The following LINGO2 variants were observed in gnomAD, a reference collection of about 807,000 sequenced individuals.
LINGO2 encodes the protein leucine-rich repeat and immunoglobulin-like domain-containing nogo receptor-interacting protein 2.
Under a neutral mutation model 30.6 loss-of-function variants are expected in LINGO2, and 14 were observed. The observed-to-expected ratio is 0.46, with a 90% confidence interval of 0.30 to 0.72. The LOEUF (loss-of-function observed/expected upper bound fraction) is 0.72, where lower values mean the gene tolerates loss of function less well. Ranked by LOEUF, LINGO2 falls within the 30% of genes least tolerant of loss-of-function variation. The probability of loss-of-function intolerance (pLI) is 0.07; values close to 1 mark genes in which losing one functional copy is unlikely to be tolerated. For synonymous variants in LINGO2, 317 were observed against 288.5 expected (o/e 1.10, Z -1.00); for missense variants, 729 against 751.7 (o/e 0.97, Z 0.35).
intron 5 of LINGO2, among the ~76,000 whole-genome samples, chr9:27,989,335 A>G (rs372728316): frequency 6.6e-6 from 1 of 151,948 alleles, no homozygotes; most frequent in South Asian, 2.1e-4. Flanking sequence ...TCCCAACAAA[A>G]TATAAGATAC....
chr9:29,197,376 G>A, the LINGO2 span, among the ~76,000 whole-genome samples: 2 of 152,014 alleles, frequency 1.3e-5, no homozygotes, highest in Non-Finnish European at 2.9e-5. Context: ...TGGTTCAAAA[G>A]TATTCTGTAT....
chr9:28,405,636 A>G (rs1273480418), intron 2 of LINGO2, among the ~76,000 whole-genome samples: 1 of 152,190 alleles, frequency 6.6e-6, no homozygotes, highest in Non-Finnish European at 1.5e-5. Context: ...GGAGGAGAGT[A>G]AAATAGAATT....
intron 4 of LINGO2, among the ~76,000 whole-genome samples, chr9:28,179,523 A>AC (rs1554682990): frequency 5.1e-5 from 4 of 77,768 alleles, no homozygotes; most frequent in African/African-American, 5.0e-5. Flanking sequence ...TAGTTTATAT[A>AC]TATAAACTAT....
chr9:28,449,698 G>T (rs1587691063), intron 2 of LINGO2, among the ~76,000 whole-genome samples: 1 of 151,980 alleles, frequency 6.6e-6, no homozygotes, highest in East Asian at 1.9e-4. Flanking sequence ...ATAAAAGGCA[G>T]ACTTGGAATG....
At chr9:27,956,862 G>A (rs1170002165) in intron 5 of LINGO2, among the ~76,000 whole-genome samples, 1 of 152,132 alleles carries the variant, frequency 6.6e-6, no homozygotes, top group Non-Finnish European at 1.5e-5. Context: ...GAAGGTTGAG[G>A]TGGGAGGATT....
the LINGO2 span, among the ~76,000 whole-genome samples, chr9:28,988,464 C>A: frequency 6.6e-6 from 1 of 151,946 alleles, no homozygotes; most frequent in Non-Finnish European, 1.5e-5. Context: ...ATAGTGGAGT[C>A]TTTAAAAAAA....
chr9:27,946,125 G>A (rs556678525), downstream of LINGO2, among the ~76,000 whole-genome samples: 43 of 152,152 alleles, frequency 2.8e-4, no homozygotes, highest in African/African-American at 8.9e-4. Context: ...GTTATAGCAC[G>A]AAAAGAAGTG....
At chr9:28,853,541 T>A in the LINGO2 span, among the ~76,000 whole-genome samples, 7 of 151,948 alleles carry the variant, frequency 4.6e-5, no homozygotes, top group Admixed American at 4.6e-4. Flanking sequence ...AGTAGTTCAT[T>A]CTCACATTGG....
At chr9:28,005,614 A>C (rs898858055) in intron 5 of LINGO2, among the ~76,000 whole-genome samples, 6 of 152,230 alleles carry the variant, frequency 3.9e-5, no homozygotes, top group African/African-American at 1.4e-4. Flanking sequence ...GGCTGGTCCC[A>C]AAGTCTTGTG....
In LINGO2 at chr9:28,117,163, CT is replaced by C. The variant is rs1826932834; in HGVS notation, c.-86-104759del. On this transcript the variant is annotated intron_variant, in intron 4 of 5. Transcript: ENST00000379992. ...CCTCAGCTGCAGGTCTGTTGGAATACTCTGCCATGTGAGGTGTCAGTGTGCC... is the reference window on the plus strand; with the variant it reads ...CCTCAGCTGCAGGTCTGTTGGAATACCTGCCATGTGAGGTGTCAGTGTGCC... Among the ~76,000 whole-genome samples the C allele has an allele frequency of 2.0e-5, 3 of 150,472 alleles. No homozygotes were observed. In the South Asian group the frequency reaches 6.3e-4, roughly 31 times the overall value.
chr9:28,722,979 C>A, the LINGO2 span, among the ~76,000 whole-genome samples: 11 of 152,102 alleles, frequency 7.2e-5, no homozygotes, highest in African/African-American at 2.4e-4. Context: ...TGCTGAGGAG[C>A]TTTTAGGGCT....
chr9:29,071,251 G>A, the LINGO2 span, among the ~76,000 whole-genome samples: 1 of 150,156 alleles, frequency 6.7e-6, no homozygotes, highest in African/African-American at 2.4e-5. Flanking sequence ...AGTGTAGTTG[G>A]CATGATCATG....
the LINGO2 span, among the ~76,000 whole-genome samples, chr9:28,991,090 C>A: frequency 6.6e-6 from 1 of 152,190 alleles, no homozygotes; most frequent in South Asian, 2.1e-4. Flanking sequence ...AAATTCAAAC[C>A]AAAGGCAAAG....
intron 4 of LINGO2, among the ~76,000 whole-genome samples, chr9:28,264,317 C>T (rs992591391): frequency 6.6e-6 from 1 of 151,850 alleles, no homozygotes; most frequent in Non-Finnish European, 1.5e-5. Context: ...AAAGGGGGTA[C>T]AATTGATCTG....
chr9:28,057,559 A>ATATATACATATATATAAACATATATG (rs1824986899), intron 4 of LINGO2, among the ~76,000 whole-genome samples: 1 of 126,168 alleles, frequency 7.9e-6, no homozygotes, highest in Non-Finnish European at 1.7e-5. Flanking sequence ...ATAAGTATAT[A>ATATATACATATATATAAACATATATG]TATATACATA....
the LINGO2 span, among the ~76,000 whole-genome samples, chr9:29,129,668 C>G: frequency 1.3e-5 from 2 of 151,950 alleles, no homozygotes; most frequent in African/African-American, 2.4e-5. Context: ...TTGTGTAGTT[C>G]AGAGGTTACG....
chr9:28,910,520 G>A, the LINGO2 span, among the ~76,000 whole-genome samples: 1 of 152,158 alleles, frequency 6.6e-6, no homozygotes, highest in Non-Finnish European at 1.5e-5. Context: ...TGGAAATGGG[G>A]TCTGGTGGGA....
chr9:28,767,785 C>CAAAAAAA, the LINGO2 span, among the ~76,000 whole-genome samples: 3 of 97,104 alleles, frequency 3.1e-5, no homozygotes, highest in Non-Finnish European at 6.0e-5. Context: ...GACTCCATTT[C>CAAAAAAA]AAAAAAAAAA....
At chr9:29,165,069 A>T in the LINGO2 span, among the ~76,000 whole-genome samples, 1 of 152,138 alleles carries the variant, frequency 6.6e-6, no homozygotes, top group African/African-American at 2.4e-5. Flanking sequence ...AATGAAAAAT[A>T]AAACGTTTAT....
Sources: allele counts gnomAD v4.1 joint callset (sites outside exome capture counted in the v4.1 genomes callset), GRCh38; gene constraint gnomAD v4.1.1; transcripts MANE v1.5; gene names NCBI Gene and HGNC (gene_info 2026-07-23, HGNC 2026-07-21).